FOXO1: variants seen among roughly 807,000 people sequenced by gnomAD.
The protein encoded by FOXO1 is forkhead box protein O1.
FOXO1 carries 6 observed loss-of-function variants against 44.1 expected under a neutral mutation model. The observed-to-expected ratio is 0.14, with a 90% CI of 0.07 to 0.27. The LOEUF is 0.27. FOXO1 is among the 10% of genes least tolerant of loss of function. The pLI is 1.00. For synonymous variants in FOXO1, 380 were observed against 362.7 expected, an observed-to-expected ratio of 1.05 and a Z score of -0.54; for missense variants, 737 against 888.8, an observed-to-expected ratio of 0.83 and a Z score of 2.17.
At chr13:40,606,505 G>A (rs536369903) in intron 1 of FOXO1, among the ~76,000 whole-genome samples, 3 of 152,174 alleles carry the variant, frequency 2.0e-5, no homozygotes, top group South Asian at 4.2e-4. Context: ...TAGAGATGGG[G>A]TTTCACCATG....
chr13:40,585,046 A>T (rs561431784), intron 1 of FOXO1, among the ~76,000 whole-genome samples: 27 of 152,358 alleles, frequency 1.8e-4, no homozygotes, highest in African/African-American at 5.8e-4. Context: ...CAAGTATCTT[A>T]TATGACAGGC....
At position 40,621,744 on chromosome 13, in the gene FOXO1, T is replaced by A. The variant is rs192425762; in HGVS notation, c.630+43839A>T. On this transcript the variant is annotated intron_variant, in intron 1 of 2. Transcript: ENST00000379561. ...TAGTATTTATGTCTAGACATTTCTATCTAAATAAGCTTTTCATTAACTTTT... is the reference window on the plus strand; with the variant it reads ...TAGTATTTATGTCTAGACATTTCTAACTAAATAAGCTTTTCATTAACTTTT... 4.6e-5 allele frequency among the ~76,000 whole-genome samples: 7 copies of A among 152,350 alleles called. No homozygotes were observed. The East Asian group carries it at 7.7e-4, about 17-fold the overall frequency.
chr13:40,622,338 T>G (rs1406715081), intron 1 of FOXO1, among the ~76,000 whole-genome samples: 1 of 152,222 alleles, frequency 6.6e-6, no homozygotes, highest in Admixed American at 6.5e-5. Context: ...GCAGTTTATA[T>G]AAATACAAAG....
intron 1 of FOXO1, among the ~76,000 whole-genome samples, chr13:40,570,495 G>A (rs539246210): frequency 2.0e-5 from 3 of 152,236 alleles, no homozygotes; most frequent in South Asian, 2.1e-4. Context: ...GCTTTACAAC[G>A]GAGGATGTTC....
intron 1 of FOXO1, among the ~76,000 whole-genome samples, chr13:40,661,962 A>C (rs1035202109): frequency 6.6e-6 from 1 of 152,038 alleles, no homozygotes; most frequent in Non-Finnish European, 1.5e-5. Flanking sequence ...TCACGAGGTC[A>C]GGAGTTCGAG....
Position 40,664,271 on chromosome 13 carries a change from C to A in FOXO1, c.630+1312G>T, listed in dbSNP as rs529430244. On this transcript the variant is annotated intron_variant, in intron 1 of 2. Coordinates refer to ENST00000379561, the MANE Select transcript of FOXO1 (RefSeq NM_002015.4). ...CTGGCGACAGAGCGAGACTCCGTCT[C>A]GGAGGAGGGGAGGGAGGTGTTTAGC... Among the ~76,000 whole-genome samples the A allele has an allele frequency of 3.3e-5, 5 of 152,270 alleles. No homozygotes were observed. The South Asian group carries it at 1.0e-3, about 32-fold the overall frequency.
At chr13:40,639,514 T>C (rs1410134361) in intron 1 of FOXO1, among the ~76,000 whole-genome samples, 1 of 152,262 alleles carries the variant, frequency 6.6e-6, no homozygotes, top group Non-Finnish European at 1.5e-5. Flanking sequence ...ACAAAGGCAT[T>C]TTCATGCAGG....
chr13:40,609,711 G>T (rs1229309561), intron 1 of FOXO1, among the ~76,000 whole-genome samples: 2 of 152,114 alleles, frequency 1.3e-5, no homozygotes, highest in African/African-American at 4.8e-5. Flanking sequence ...TTCAGGGTGG[G>T]GGGGAAAAAA....
intron 1 of FOXO1, among the ~76,000 whole-genome samples, chr13:40,576,188 G>C (rs754078853): frequency 1.3e-5 from 2 of 152,200 alleles, no homozygotes; most frequent in Non-Finnish European, 2.9e-5. Flanking sequence ...GGAGAAAAGA[G>C]AAGAGGTCAG....
intron 1 of FOXO1, among the ~76,000 whole-genome samples, chr13:40,636,000 G>C (rs568298240): frequency 1.3e-5 from 2 of 152,130 alleles, no homozygotes; most frequent in Non-Finnish European, 2.9e-5. Context: ...ACCTGAGGTC[G>C]GGAGTTCGAA....
chr13:40,578,856 G>A (rs1874858250), intron 1 of FOXO1, among the ~76,000 whole-genome samples: 1 of 152,166 alleles, frequency 6.6e-6, no homozygotes, highest in Admixed American at 6.5e-5. Flanking sequence ...GGGATCACAT[G>A]CATGCACATG....
At chr13:40,581,094 G>A (rs1874938605) in intron 1 of FOXO1, among the ~76,000 whole-genome samples, 1 of 152,198 alleles carries the variant, frequency 6.6e-6, no homozygotes, top group Non-Finnish European at 1.5e-5. Context: ...CACTTTTCTT[G>A]GAGACAGAAA....
intron 1 of FOXO1, among the ~76,000 whole-genome samples, chr13:40,602,214 T>C (rs1875836934): frequency 6.6e-6 from 1 of 152,186 alleles, no homozygotes; most frequent in African/African-American, 2.4e-5. Context: ...TTTCTGAAGA[T>C]GAATCTGAGC....
At chr13:40,587,598 T>G (rs746088881) in intron 1 of FOXO1, among the ~76,000 whole-genome samples, 23 of 152,230 alleles carry the variant, frequency 1.5e-4, no homozygotes, top group African/African-American at 2.4e-4. Context: ...ATTACTAGGA[T>G]GGCCCCAAAG....
intron 1 of FOXO1, among the ~76,000 whole-genome samples, chr13:40,593,287 C>T (rs1484835984): frequency 6.6e-6 from 1 of 152,102 alleles, no homozygotes; most frequent in Non-Finnish European, 1.5e-5. Context: ...AATGGCCTCA[C>T]AAAGTGCTAG....
intron 1 of FOXO1, among the ~76,000 whole-genome samples, chr13:40,602,546 A>T (rs770508646): frequency 6.6e-6 from 1 of 152,234 alleles, no homozygotes; most frequent in African/African-American, 2.4e-5. Flanking sequence ...ATTCACATAA[A>T]CAATGTAAAA....
chr13:40,656,967 A>G (rs896605271), intron 1 of FOXO1, among the ~76,000 whole-genome samples: 2 of 151,976 alleles, frequency 1.3e-5, no homozygotes, highest in Admixed American at 6.6e-5. Flanking sequence ...AGTAGCTGTG[A>G]CTACAGGCAC....
chr13:40,646,602 C>T (rs964511314), intron 1 of FOXO1, among the ~76,000 whole-genome samples: 3 of 151,796 alleles, frequency 2.0e-5, no homozygotes, highest in African/African-American at 7.3e-5. Context: ...TGTTTTGTTT[C>T]GTTTTGTTTT....
At chr13:40,619,669 A>G (rs749648842) in intron 1 of FOXO1, 4 of 1,471,210 alleles carry the variant, frequency 2.7e-6, no homozygotes, top group South Asian at 2.3e-5. Context: ...CAATGGTGGT[A>G]GTTCCAACAT....
Sources: gnomAD v4.1 joint callset for allele counts (sites outside exome capture counted in the v4.1 genomes callset) on GRCh38, gnomAD v4.1.1 for gene constraint, MANE v1.5 for transcripts, NCBI Gene and HGNC (gene_info 2026-07-23, HGNC 2026-07-21) for gene names.